The following RNF170 variants were observed in gnomAD, a reference collection of about 807,000 sequenced individuals.
The protein encoded by RNF170 is ring finger protein 170.
In RNF170, 12 loss-of-function variants were observed where a neutral mutation model predicts 32.7. The observed-to-expected ratio is 0.37, with a 90% CI of 0.24 to 0.60. The LOEUF (loss-of-function observed/expected upper bound fraction) is 0.60, where lower values mean the gene tolerates loss of function less well. RNF170 is among the 20% of genes least tolerant of loss of function. The probability of loss-of-function intolerance (pLI) is 0.72; values close to 1 mark genes in which losing one functional copy is unlikely to be tolerated. For missense variants in RNF170, 212 were observed against 311.2 expected, an observed-to-expected ratio of 0.68 and a Z score of 2.40; for synonymous variants, 91 against 103.6, an observed-to-expected ratio of 0.88 and a Z score of 0.74.
At chr8:42,895,874 C>T (rs1806774139) in intron 1 of RNF170, among the ~76,000 whole-genome samples, 1 of 152,158 alleles carries the variant, frequency 6.6e-6, no homozygotes, top group Admixed American at 6.5e-5. Flanking sequence ...AATCAGGCTC[C>T]GAAAGGAGCA....
In RNF170 at chr8:42,855,573, G is replaced by A. The variant is rs371558001; in HGVS notation, c.*586C>T. 15 of 1,273,790 alleles carry A rather than the reference G, an allele frequency of 1.2e-5. No homozygotes were observed. Among genetic ancestry groups the A allele is most frequent in the African/African-American group, 9.2e-5 (6 of 65,398 alleles). The allele number at this position is 1,273,790 out of a possible 1,614,324, so 78.9% of individuals were successfully genotyped here. On this transcript the variant is annotated 3_prime_UTR_variant, in exon 7 of 7. Transcript: ENST00000527424. ...GTTCTGTAAACTAGAATATGATATC[G>A]AAGTATGAAGTTCAAGTTTCTTCTT... is the stretch of plus-strand genomic sequence containing the variant.
intron 1 of RNF170, among the ~76,000 whole-genome samples, chr8:42,888,201 G>T (rs1326553353): frequency 3.3e-5 from 5 of 151,834 alleles, no homozygotes; most frequent in Non-Finnish European, 5.9e-5. Context: ...AAGTAGCTGG[G>T]ACTACAGGCG....
intron 1 of RNF170, among the ~76,000 whole-genome samples, chr8:42,889,861 T>C (rs1036805017): frequency 1.3e-5 from 2 of 152,172 alleles, no homozygotes; most frequent in South Asian, 4.1e-4. Flanking sequence ...TTTCATCAGG[T>C]TTCCTCTCTT....
chr8:42,851,758 C>CT (rs398007629), downstream of RNF170, among the ~76,000 whole-genome samples: 1 of 14 alleles, frequency 0.071, no homozygotes, highest in East Asian at 0.5. Context: ...CCCACTTCAG[C>CT]TCTGGAGTAG....
chr8:42,861,543 A>C (rs1803659839), intron 6 of RNF170: 2 of 542,140 alleles, frequency 3.7e-6, no homozygotes, highest in Admixed American at 3.1e-5. Context: ...GGGTTTCATC[A>C]TGTTTCCAAG....
downstream of RNF170, chr8:42,850,555 A>G (rs1224299213): frequency 5.3e-6 from 3 of 565,960 alleles, no homozygotes; most frequent in Non-Finnish European, 9.5e-6. Context: ...GGTGGCAGGC[A>G]TAATGGTACA....
intron 1 of RNF170, among the ~76,000 whole-genome samples, chr8:42,895,038 G>T (rs1806655611): frequency 6.6e-6 from 1 of 151,984 alleles, no homozygotes; most frequent in Non-Finnish European, 1.5e-5. Context: ...GCTGACCCAG[G>T]CTCGGTGGCT....
chr8:42,888,721 T>G (rs1806043695), intron 1 of RNF170, among the ~76,000 whole-genome samples: 1 of 152,052 alleles, frequency 6.6e-6, no homozygotes. Context: ...AGAGCGCCAC[T>G]GTACTCCAGC....
rs1395857280 is a variant in RNF170, at chr8:42,853,628, AT to A, written c.*2530del. The A allele has an allele frequency of 3.5e-5, 45 of 1,283,666 alleles. No homozygotes were observed. The highest frequency in any genetic ancestry group is 4.5e-5 in the Non-Finnish European group (44 of 986,356). The allele number at this position is 1,283,666 out of a possible 1,614,324, so 79.5% of individuals were successfully genotyped here. A position where few individuals can be genotyped will look rare whatever the true frequency, so the allele number is the denominator to read the frequency against. On this transcript the variant is annotated 3_prime_UTR_variant, in exon 7 of 7. Transcript: ENST00000527424. ...ATATTGTTGTTTAAAAAAAATCCAA[AT>A]TGTTACTTTGATTTATATGATCTAA...
chr8:42,873,216 C>T (rs1447369617), intron 3 of RNF170, among the ~76,000 whole-genome samples: 2 of 151,624 alleles, frequency 1.3e-5, no homozygotes, highest in Non-Finnish European at 2.9e-5. Context: ...ATTTGTGAGG[C>T]CGAGGTGAGA....
At position 42,853,735 on chromosome 8, in the gene RNF170, G is replaced by T; in HGVS notation, c.*2424C>A. ...CTTTAAAAACTCTCAGATCCCTTCT[G>T]CATTTATCATCAGAGATCGGTAAAG... On this transcript the variant is annotated 3_prime_UTR_variant, in exon 7 of 7. Coordinates refer to ENST00000527424, the MANE Select transcript of RNF170 (RefSeq NM_030954.4). The T allele has an allele frequency of 7.8e-7, 1 of 1,287,116 alleles. No individual in the cohort carries two copies. Among genetic ancestry groups the T allele is most frequent in the South Asian group, 1.2e-5 (1 of 80,932 alleles). The allele number at this position is 1,287,116 out of a possible 1,614,324, so 79.7% of individuals were successfully genotyped here.
chr8:42,891,335 T>C (rs1306378372), intron 1 of RNF170, among the ~76,000 whole-genome samples: 1 of 152,240 alleles, frequency 6.6e-6, no homozygotes, highest in Non-Finnish European at 1.5e-5. Context: ...CTCATTGTTC[T>C]TGTTCTATAA....
At chr8:42,866,708 A>G (rs1277264894) in intron 4 of RNF170, among the ~76,000 whole-genome samples, 1 of 152,126 alleles carries the variant, frequency 6.6e-6, no homozygotes, top group African/African-American at 2.4e-5. Flanking sequence ...GATGGATTGG[A>G]TTTTTCTGCT....
At chr8:42,872,655 A>T (rs1304359268) in intron 3 of RNF170, among the ~76,000 whole-genome samples, 1 of 151,820 alleles carries the variant, frequency 6.6e-6, no homozygotes, top group Non-Finnish European at 1.5e-5. Context: ...ATTGGCCAGG[A>T]TGGTCTTGAT....
Position 42,855,062 on chromosome 8 carries a change from T to C in RNF170, c.*1097A>G, listed in dbSNP as rs898708161. 2.3e-6 allele frequency: 3 copies of C among 1,287,120 alleles called. No homozygotes were observed. Among genetic ancestry groups the C allele is most frequent in the Admixed American group, 4.6e-5 (2 of 43,542 alleles). The allele number at this position is 1,287,120 out of a possible 1,614,324, so 79.7% of individuals were successfully genotyped here. A position where few individuals can be genotyped will look rare whatever the true frequency, so the allele number is the denominator to read the frequency against. On this transcript the variant is annotated 3_prime_UTR_variant, in exon 7 of 7. Coordinates refer to ENST00000527424, the MANE Select transcript of RNF170 (RefSeq NM_030954.4). ...ATGCTCAAAGACACGAAGATTCACCTTCCTCAGAAATGCATCAGGCTACTC... is the reference window on the plus strand; with the variant it reads ...ATGCTCAAAGACACGAAGATTCACCCTCCTCAGAAATGCATCAGGCTACTC...
At chr8:42,897,033 G>C, upstream of RNF170, 2 of 912,198 alleles carry the variant, frequency 2.2e-6, no homozygotes, top group Non-Finnish European at 2.9e-6. Flanking sequence ...GAGCAGGCGG[G>C]CCTGAGGCCG....
Position 42,870,129 on chromosome 8 carries a change from T to C in RNF170, c.214-17A>G. 6.4e-7 allele frequency: 1 copy of C among 1,567,158 alleles called. No individual in the cohort carries two copies. Among genetic ancestry groups the C allele is most frequent in the Non-Finnish European group, 8.8e-7 (1 of 1,137,728 alleles). Reference sequence around the variant, plus strand: ...AGGTGCATCCTAATAAGAACACAGGTGCACACATTGGAACACAACACATGT... The same window carrying C: ...AGGTGCATCCTAATAAGAACACAGGCGCACACATTGGAACACAACACATGT... On this transcript the variant is annotated splice_polypyrimidine_tract_variant and intron_variant, in intron 3 of 6. Transcript: ENST00000527424.
intron 3 of RNF170, among the ~76,000 whole-genome samples, chr8:42,873,152 C>A (rs1804647224): frequency 6.6e-6 from 1 of 152,074 alleles, no homozygotes; most frequent in African/African-American, 2.4e-5. Context: ...GCCTCGGCCT[C>A]CCAAAGTGCT....
At chr8:42,883,808 T>A (rs2128948713) in intron 2 of RNF170, among the ~76,000 whole-genome samples, 1 of 152,302 alleles carries the variant, frequency 6.6e-6, no homozygotes, top group East Asian at 1.9e-4. Flanking sequence ...AAATTAATTA[T>A]AATGACTAAA....
Sources: gnomAD v4.1 joint callset for allele counts (sites outside exome capture counted in the v4.1 genomes callset) on GRCh38, gnomAD v4.1.1 for gene constraint, MANE v1.5 for transcripts, NCBI Gene and HGNC (gene_info 2026-07-23, HGNC 2026-07-21) for gene names.